SLC25A21: variants seen among roughly 807,000 people sequenced by gnomAD.
The protein encoded by SLC25A21 is mitochondrial 2-oxodicarboxylate carrier.
SLC25A21 carries 47 observed loss-of-function variants against 43.8 expected under a neutral mutation model. That is an observed-to-expected ratio of 1.07 (90% CI 0.85 to 1.37). The LOEUF is 1.37. SLC25A21 is among the 40% of genes most tolerant of loss of function. The probability of loss-of-function intolerance (pLI) is 0.00; values close to 1 mark genes in which losing one functional copy is unlikely to be tolerated. For missense variants in SLC25A21, 352 were observed against 350.2 expected, an observed-to-expected ratio of 1.00 and a Z score of -0.04; for synonymous variants, 131 against 121.3, an observed-to-expected ratio of 1.08 and a Z score of -0.52.
At chr14:36,917,607 A>G (rs953390560) in intron 1 of SLC25A21, among the ~76,000 whole-genome samples, 1 of 152,192 alleles carries the variant, frequency 6.6e-6, no homozygotes, top group Admixed American at 6.6e-5. Context: ...AAGTAAACAG[A>G]ACAATTGAGC....
chr14:36,840,229 T>C (rs1419538918), intron 2 of SLC25A21, among the ~76,000 whole-genome samples: 2 of 152,138 alleles, frequency 1.3e-5, no homozygotes, highest in Middle Eastern at 3.2e-3. Context: ...TTAAACAGTA[T>C]TATTTTTATC....
chr14:36,903,680 T>TA (rs36011411), intron 1 of SLC25A21, among the ~76,000 whole-genome samples: 7 of 106,932 alleles, frequency 6.5e-5, no homozygotes, highest in East Asian at 2.3e-4. Flanking sequence ...AGTTTTCACA[T>TA]AAAAAAAAAT....
At chr14:37,049,363 G>A (rs541052293) in intron 1 of SLC25A21, among the ~76,000 whole-genome samples, 5 of 152,204 alleles carry the variant, frequency 3.3e-5, no homozygotes, top group African/African-American at 1.2e-4. Flanking sequence ...CTTGAGCCCA[G>A]AGGAGTTCAA....
chr14:36,929,240 G>A (rs192978006), intron 1 of SLC25A21, among the ~76,000 whole-genome samples: 4 of 152,130 alleles, frequency 2.6e-5, no homozygotes, highest in Non-Finnish European at 4.4e-5. Context: ...CTAGAACACA[G>A]TGGTCTGTAA....
At chr14:37,112,353 G>C (rs2138879012) in intron 1 of SLC25A21, among the ~76,000 whole-genome samples, 1 of 152,226 alleles carries the variant, frequency 6.6e-6, no homozygotes, top group South Asian at 2.1e-4. Context: ...GGGAGAAGAG[G>C]CAATAAGCAC....
At chr14:36,785,446 T>C (rs1455481144) in intron 3 of SLC25A21, among the ~76,000 whole-genome samples, 3 of 152,152 alleles carry the variant, frequency 2.0e-5, no homozygotes, top group Non-Finnish European at 4.4e-5. Flanking sequence ...ATGTGAATAG[T>C]AGAGATGTAT....
intron 1 of SLC25A21, among the ~76,000 whole-genome samples, chr14:36,987,804 C>T (rs953218749): frequency 6.6e-6 from 1 of 152,150 alleles, no homozygotes; most frequent in Non-Finnish European, 1.5e-5. Context: ...TCAAAGGATC[C>T]ACTGACAAAC....
chr14:37,029,510 G>A (rs1961163019), intron 1 of SLC25A21, among the ~76,000 whole-genome samples: 1 of 152,102 alleles, frequency 6.6e-6, no homozygotes, highest in South Asian at 2.1e-4. Context: ...TAATTTCTGA[G>A]TCAAAATATA....
intron 1 of SLC25A21, among the ~76,000 whole-genome samples, chr14:37,053,760 T>G (rs1292862363): frequency 1.3e-5 from 2 of 152,096 alleles, no homozygotes; most frequent in African/African-American, 4.8e-5. Flanking sequence ...CTGAATAGAT[T>G]AGAAAAAAAA....
intron 1 of SLC25A21, chr14:37,098,706 T>C (rs564904135): frequency 1.0e-4 from 5 of 49,352 alleles, no homozygotes; most frequent in Admixed American, 3.0e-4. Flanking sequence ...ATTAGATAGA[T>C]AGATAGATAG....
At chr14:37,057,442 T>A (rs1372653808) in intron 1 of SLC25A21, among the ~76,000 whole-genome samples, 1 of 152,206 alleles carries the variant, frequency 6.6e-6, no homozygotes, top group East Asian at 1.9e-4. Context: ...TGGAGGATTT[T>A]CACAATTTCT....
chr14:36,833,252 G>A (rs1411208148), intron 2 of SLC25A21, among the ~76,000 whole-genome samples: 1 of 152,202 alleles, frequency 6.6e-6, no homozygotes, highest in Admixed American at 6.5e-5. Context: ...GTTGATGGAC[G>A]ATAGAATAGA....
At chr14:36,895,754 G>C (rs1025138005) in intron 1 of SLC25A21, among the ~76,000 whole-genome samples, 7 of 152,074 alleles carry the variant, frequency 4.6e-5, no homozygotes, top group Non-Finnish European at 2.9e-5. Flanking sequence ...TGTTCTCATT[G>C]GTTTCAAAGA....
chr14:36,912,294 C>T (rs564825540), intron 1 of SLC25A21, among the ~76,000 whole-genome samples: 1 of 152,272 alleles, frequency 6.6e-6, no homozygotes, highest in African/African-American at 2.4e-5. Flanking sequence ...CTTTTGTTCT[C>T]CACGGCCACC....
At chr14:36,885,632 T>C (rs932944137) in intron 1 of SLC25A21, among the ~76,000 whole-genome samples, 2 of 152,208 alleles carry the variant, frequency 1.3e-5, no homozygotes, top group Non-Finnish European at 2.9e-5. Flanking sequence ...GTCTTCATGA[T>C]ACTGTTTTAA....
At chr14:36,754,931 T>C (rs1885867675) in intron 3 of SLC25A21, among the ~76,000 whole-genome samples, 1 of 152,144 alleles carries the variant, frequency 6.6e-6, no homozygotes, top group Non-Finnish European at 1.5e-5. Flanking sequence ...TGAGAAAAAT[T>C]GAATTTAGAA....
intron 2 of SLC25A21, among the ~76,000 whole-genome samples, chr14:36,869,683 G>A (rs531433674): frequency 1.4e-4 from 21 of 152,300 alleles, no homozygotes; most frequent in African/African-American, 5.1e-4. Flanking sequence ...GAGCCACTAG[G>A]TACAGTGGAG....
At chr14:36,718,485 C>A (rs191447556) in intron 6 of SLC25A21, among the ~76,000 whole-genome samples, 44 of 151,334 alleles carry the variant, frequency 2.9e-4, no homozygotes, top group African/African-American at 1.0e-3. Context: ...CAGAGCCACA[C>A]GCTCACTCTC....
chr14:36,901,413 A>G (rs926684702), intron 1 of SLC25A21, among the ~76,000 whole-genome samples: 2 of 152,206 alleles, frequency 1.3e-5, no homozygotes, highest in Non-Finnish European at 2.9e-5. Flanking sequence ...TTTTGAGTTA[A>G]TCTGAACTAT....
Sources: allele counts gnomAD v4.1 joint callset (sites outside exome capture counted in the v4.1 genomes callset), GRCh38; gene constraint gnomAD v4.1.1; transcripts MANE v1.5; gene names NCBI Gene and HGNC (gene_info 2026-07-23, HGNC 2026-07-21).